The following RBFOX1 variants were observed in gnomAD, a reference collection of about 807,000 sequenced individuals.
RBFOX1 encodes RNA binding protein fox-1 homolog 1.
RBFOX1 carries 8 observed loss-of-function variants against 57.7 expected under a neutral mutation model. The observed-to-expected ratio is 0.14, with a 90% CI of 0.08 to 0.25. RBFOX1 has a LOEUF of 0.25. Ranked by LOEUF, RBFOX1 falls within the 10% of genes least tolerant of loss-of-function variation. The pLI is 1.00. For missense variants in RBFOX1, 611 were observed against 548.5 expected, an observed-to-expected ratio of 1.11 and a Z score of -1.14; for synonymous variants, 326 against 222.4, an observed-to-expected ratio of 1.47 and a Z score of -4.15.
intron 4 of RBFOX1, among the ~76,000 whole-genome samples, chr16:7,316,401 G>A (rs2096439895): frequency 6.6e-6 from 1 of 152,144 alleles, no homozygotes; most frequent in African/African-American, 2.4e-5. Flanking sequence ...GGCATGTGAG[G>A]CCCAGAATGA....
intron 4 of RBFOX1, among the ~76,000 whole-genome samples, chr16:7,402,177 T>C (rs2098255452): frequency 6.6e-6 from 1 of 152,198 alleles, no homozygotes; most frequent in Non-Finnish European, 1.5e-5. Flanking sequence ...CGAGCTGTGA[T>C]GAGCAACTCT....
chr16:6,187,088 A>T (rs931237616), intron 1 of RBFOX1, among the ~76,000 whole-genome samples: 2 of 152,140 alleles, frequency 1.3e-5, no homozygotes, highest in African/African-American at 4.8e-5. Flanking sequence ...AGTAGAGGGG[A>T]TGCAACACTA....
intron 3 of RBFOX1, among the ~76,000 whole-genome samples, chr16:6,829,968 G>C (rs572768535): frequency 3.7e-4 from 56 of 151,892 alleles, no homozygotes; most frequent in African/African-American, 1.4e-3. Flanking sequence ...CCAGGCTGGA[G>C]TGCAGTGGTG....
intron 3 of RBFOX1, among the ~76,000 whole-genome samples, chr16:5,856,526 CATATAT>C (rs2057062535): frequency 1.2e-5 from 1 of 86,882 alleles, no homozygotes; most frequent in Non-Finnish European, 2.3e-5. Flanking sequence ...ATCTCTCATT[CATATAT>C]GTGTATGTGT....
At chr16:5,979,138 G>T (rs534415792) in intron 4 of RBFOX1, among the ~76,000 whole-genome samples, 1 of 152,324 alleles carries the variant, frequency 6.6e-6, no homozygotes, top group South Asian at 2.1e-4. Context: ...TGGCATGAAA[G>T]CTTCCAGTTA....
At chr16:5,270,778 T>C (rs2062984220) in intron 1 of RBFOX1, 1 of 464,284 alleles carries the variant, frequency 2.2e-6, no homozygotes, top group Non-Finnish European at 4.1e-6. Context: ...GGCTTGCCAA[T>C]TTATCCTCTC....
intron 2 of RBFOX1, among the ~76,000 whole-genome samples, chr16:6,558,757 T>C (rs2097139129): frequency 6.6e-6 from 1 of 151,926 alleles, no homozygotes; most frequent in South Asian, 2.1e-4. Context: ...GCTAAGATGA[T>C]TAACATGCTT....
chr16:6,380,710 C>T (rs529679528), intron 2 of RBFOX1, among the ~76,000 whole-genome samples: 37 of 150,328 alleles, frequency 2.5e-4, no homozygotes, highest in Non-Finnish European at 4.2e-4. Flanking sequence ...AAAACCATTT[C>T]TGTAAAACAG....
At chr16:5,880,088 G>A (rs1242810974) in intron 4 of RBFOX1, among the ~76,000 whole-genome samples, 1 of 152,156 alleles carries the variant, frequency 6.6e-6, no homozygotes, top group South Asian at 2.1e-4. Flanking sequence ...TCTCATCTCA[G>A]TTCTGTGCTT....
At chr16:7,249,206 A>G (rs1199763265) in intron 4 of RBFOX1, among the ~76,000 whole-genome samples, 1 of 152,136 alleles carries the variant, frequency 6.6e-6, no homozygotes, top group Non-Finnish European at 1.5e-5. Flanking sequence ...ACATTTTTAA[A>G]TGTTTTTGCA....
intron 3 of RBFOX1, among the ~76,000 whole-genome samples, chr16:6,922,236 G>A (rs377502854): frequency 2.0e-5 from 3 of 152,100 alleles, no homozygotes; most frequent in African/African-American, 4.8e-5. Context: ...CATTGGCATC[G>A]ATCTCAGAAA....
chr16:5,861,243 C>G (rs574845925), intron 3 of RBFOX1, among the ~76,000 whole-genome samples: 1 of 152,322 alleles, frequency 6.6e-6, no homozygotes, highest in African/African-American at 2.4e-5. Flanking sequence ...CCAGAACCAT[C>G]TTCTCCCCTT....
intron 2 of RBFOX1, among the ~76,000 whole-genome samples, chr16:5,479,967 C>T (rs1029211340): frequency 6.6e-6 from 1 of 152,158 alleles, no homozygotes; most frequent in African/African-American, 2.4e-5. Context: ...CCCTCCAGCC[C>T]AGCCCACAGG....
At chr16:6,101,040 C>G (rs1442556965) in intron 1 of RBFOX1, among the ~76,000 whole-genome samples, 1 of 152,136 alleles carries the variant, frequency 6.6e-6, no homozygotes, top group African/African-American at 2.4e-5. Flanking sequence ...TCAGTTTTAC[C>G]CCAAGTCCAC....
At chr16:5,771,493 C>T (rs545247061) in intron 3 of RBFOX1, among the ~76,000 whole-genome samples, 139 of 152,358 alleles carry the variant, frequency 9.1e-4, no homozygotes, top group African/African-American at 3.3e-3. Context: ...ATTGCAGCTT[C>T]TGCCTCCTGG....
In RBFOX1 at chr16:6,728,034, G is replaced by T. The variant is rs1469046542; in HGVS notation, c.-16+73384G>T. On this transcript the variant is annotated intron_variant, in intron 3 of 15. Coordinates refer to ENST00000550418, the MANE Select transcript of RBFOX1 (RefSeq NM_018723.4). ...GTAGTATTTCCATCCTCACAGGTTT[G>T]TTTTGAGATCTAAGTAACATAATGC... is the stretch of plus-strand genomic sequence containing the variant. Among the ~76,000 whole-genome samples the T allele has an allele frequency of 2.0e-5, 3 of 152,190 alleles. No individual in the cohort carries two copies. In the East Asian group the frequency reaches 5.8e-4, roughly 29 times the overall value.
At chr16:7,448,927 G>GTT (rs71147700) in intron 4 of RBFOX1, among the ~76,000 whole-genome samples, 1 of 82,978 alleles carries the variant, frequency 1.2e-5, no homozygotes, top group African/African-American at 4.6e-5. Flanking sequence ...TCTTTCCCCT[G>GTT]TTTTTTTTTT....
At chr16:7,680,272 T>G (rs1597927559) in intron 14 of RBFOX1, among the ~76,000 whole-genome samples, 1 of 151,986 alleles carries the variant, frequency 6.6e-6, no homozygotes, top group Admixed American at 6.6e-5. Flanking sequence ...AACTGGGAGG[T>G]GCGGAGGGGG....
chr16:5,856,055 T>C (rs2057021125), intron 3 of RBFOX1, among the ~76,000 whole-genome samples: 1 of 144,832 alleles, frequency 6.9e-6, no homozygotes, highest in South Asian at 2.2e-4. Context: ...TCTTTGTGTA[T>C]AGAAATGTAA....
Sources: allele counts gnomAD v4.1 joint callset (sites outside exome capture counted in the v4.1 genomes callset), GRCh38; gene constraint gnomAD v4.1.1; transcripts MANE v1.5; gene names NCBI Gene and HGNC (gene_info 2026-07-23, HGNC 2026-07-21).